TFB1M: variants seen among roughly 807,000 people sequenced by gnomAD.
TFB1M encodes transcription factor B1, mitochondrial, also known as dimethyladenosine transferase 1, mitochondrial.
TFB1M carries 27 observed loss-of-function variants against 31.1 expected under a neutral mutation model. The observed-to-expected ratio is 0.87, with a 90% CI of 0.64 to 1.20. The LOEUF is 1.20. TFB1M is among the 50% of genes most tolerant of loss of function. The pLI is 0.00. For missense variants in TFB1M, 394 were observed against 418.7 expected, an observed-to-expected ratio of 0.94 and a Z score of 0.51; for synonymous variants, 166 against 151.8, an observed-to-expected ratio of 1.09 and a Z score of -0.69.
chr6:155,241,405 C>T, the TFB1M span, among the ~76,000 whole-genome samples: 7,258 of 152,206 alleles, frequency 0.048, 185 homozygotes, highest in East Asian at 0.12. Flanking sequence ...CGGCACGGTG[C>T]GGTGGGCTGA....
chr6:155,306,342 C>A (rs1777763230), intron 2 of TFB1M, among the ~76,000 whole-genome samples: 3 of 152,122 alleles, frequency 2.0e-5, no homozygotes, highest in African/African-American at 4.8e-5. Context: ...GGATATTCTA[C>A]ACAGGACCCG....
At position 155,256,190 on chromosome 6, in the gene TFB1M, G is replaced by A; in HGVS notation, c.*1646C>T. Reference sequence around the variant, plus strand: ...AATTAACTTTTCAACTTACTCCTTGGCAAAATAAGAATCTTAGCCCATGTA... The same window carrying A: ...AATTAACTTTTCAACTTACTCCTTGACAAAATAAGAATCTTAGCCCATGTA... On this transcript the variant is annotated 3_prime_UTR_variant, in exon 7 of 7. Coordinates refer to ENST00000367166, the MANE Select transcript of TFB1M (RefSeq NM_016020.4). 1.8e-6 allele frequency: 1 copy of A among 543,374 alleles called. No individual in the cohort carries two copies. The highest frequency in any genetic ancestry group is 1.9e-5 in the African/African-American group (1 of 51,372). The allele number at this position is 543,374 out of a possible 1,614,324, so 33.7% of individuals were successfully genotyped here. A position where few individuals can be genotyped will look rare whatever the true frequency, so the allele number is the denominator to read the frequency against.
chr6:155,275,805 A>C (rs1309762212), intron 5 of TFB1M: 1 of 1,614,144 alleles, frequency 6.2e-7, no homozygotes, highest in Non-Finnish European at 8.5e-7. Context: ...CTGCTGCCCA[A>C]CTGGAAGGTG....
At chr6:155,310,976 G>T in intron 2 of TFB1M, 1 of 586,136 alleles carries the variant, frequency 1.7e-6, no homozygotes, top group Non-Finnish European at 3.0e-6. Context: ...TTTTCAAGGT[G>T]TAGTCAATAG....
chr6:155,244,880 G>A, the TFB1M span: 17 of 1,389,868 alleles, frequency 1.2e-5, no homozygotes, highest in South Asian at 1.9e-4. Context: ...TTCTTGTCCT[G>A]TGACTATTGA....
downstream of TFB1M, among the ~76,000 whole-genome samples, chr6:155,251,732 A>G (rs765544407): frequency 1.3e-5 from 2 of 152,244 alleles, no homozygotes; most frequent in Non-Finnish European, 2.9e-5. Flanking sequence ...GCCAAGATCA[A>G]CTTCTAATAG....
At position 155,314,294 on chromosome 6, in the gene TFB1M, A is replaced by C; in HGVS notation, c.133+2T>G. ...TCCGGGGAGCACTGCTAAGCCATCC[A>C]CCTGTCAGCCTCAAGTCCAGGAGGA... On this transcript the variant is annotated splice_donor_variant, in intron 1 of 6. Coordinates refer to ENST00000367166, the MANE Select transcript of TFB1M (RefSeq NM_016020.4). LOFTEE classifies it high-confidence loss of function. 6.2e-7 allele frequency: 1 copy of C among 1,613,778 alleles called. No homozygotes were observed. Among genetic ancestry groups the C allele is most frequent in the Non-Finnish European group, 8.5e-7 (1 of 1,179,838 alleles).
chr6:155,285,382 G>C, intron 4 of TFB1M, 105 bp from the exon 5 acceptor site: 1 of 1,414,384 alleles, frequency 7.1e-7, no homozygotes, highest in Non-Finnish European at 9.8e-7. Flanking sequence ...GACTTTTTGA[G>C]GCAAATTTGA....
At chr6:155,248,326 T>TTTCACATA in the TFB1M span, 1 of 947,706 alleles carries the variant, frequency 1.1e-6, no homozygotes, top group Non-Finnish European at 1.5e-6. Context: ...TAATCTTAGG[T>TTTCACATA]TTCACGTGAA....
Position 155,311,249 on chromosome 6 carries a change from T to G in TFB1M, c.224A>C (p.Asn75Thr). The change falls in exon 2 of 7, where the codon AAT (asparagine) becomes ACT (threonine). Residue 75 changes from asparagine (N) to threonine (T), a missense_variant. Physicochemically the swap from Asn to Thr is moderately conservative, Grantham distance 65 (BLOSUM62 0). Around this residue, in one of 3 missense-constraint regions of TFB1M, gnomAD observed 273 missense variants for 256.4 expected, o/e 1.06. Coordinates refer to ENST00000367166, the MANE Select transcript of TFB1M (RefSeq NM_016020.4). ...GPGGITRSIL[N>T]ADVAELLVVE... ...CACCAGAAGTTCAGCGACGTCGGCA[T>G]TAAGAATAGATCTTGTGATTCCCCC... is the stretch of plus-strand genomic sequence containing the variant. 6.2e-7 allele frequency: 1 copy of G among 1,614,150 alleles called. No individual in the cohort carries two copies. Among genetic ancestry groups the G allele is most frequent in the Non-Finnish European group, 8.5e-7 (1 of 1,179,976 alleles).
At chr6:155,299,064 G>C (rs2114783050) in intron 2 of TFB1M, among the ~76,000 whole-genome samples, 1 of 152,042 alleles carries the variant, frequency 6.6e-6, no homozygotes, top group Middle Eastern at 3.4e-3. Flanking sequence ...TATATGCGTA[G>C]ATTTAGCCAA....
At chr6:155,304,909 A>G (rs1039342503) in intron 2 of TFB1M, among the ~76,000 whole-genome samples, 3 of 151,082 alleles carry the variant, frequency 2.0e-5, no homozygotes, top group African/African-American at 7.3e-5. Flanking sequence ...TCAGAAATAA[A>G]CCGACACACA....
intron 2 of TFB1M, 137 bp downstream of exon 2, chr6:155,311,051 C>A (rs897228304): frequency 2.2e-6 from 2 of 928,898 alleles, no homozygotes; most frequent in South Asian, 1.4e-5. Context: ...GAATCAAAAT[C>A]TCTGGAATGG....
intron 3 of TFB1M, 79 bp from the exon 4 acceptor site, chr6:155,297,183 G>T: frequency 6.8e-7 from 1 of 1,464,260 alleles, no homozygotes. Context: ...AGTAAAATCA[G>T]ACTGGATATT....
intron 2 of TFB1M, among the ~76,000 whole-genome samples, chr6:155,310,600 C>A (rs1274594050): frequency 2.6e-5 from 4 of 152,152 alleles, no homozygotes; most frequent in African/African-American, 9.7e-5. Context: ...ATTTCTTATA[C>A]AATAACAGTG....
chr6:155,283,278 A>C (rs1776469411), intron 5 of TFB1M, among the ~76,000 whole-genome samples: 1 of 152,196 alleles, frequency 6.6e-6, no homozygotes, highest in South Asian at 2.1e-4. Context: ...GAAAAACTAC[A>C]AAAAATAGCC....
chr6:155,243,974 T>C, the TFB1M span: 3 of 1,561,456 alleles, frequency 1.9e-6, no homozygotes, highest in East Asian at 2.4e-5. Context: ...TTTTGGAGAC[T>C]AAAGCGTTGA....
rs1215427781 is a variant in TFB1M at position 155,305,196 on chromosome 6, T to TTA, written c.285+5990_285+5991dup. 1.1e-3 allele frequency among the ~76,000 whole-genome samples: 74 copies of TTA among 68,914 alleles called. 11 individuals carry two copies. The highest frequency in any genetic ancestry group is 5.0e-3 in the African/African-American group (66 of 13,256). The allele number at this position is 68,914 out of a possible 152,430, so 45.2% of individuals were successfully genotyped here. A position where few individuals can be genotyped will look rare whatever the true frequency, so the allele number is the denominator to read the frequency against. ...TTTATATATATATTAAATTATATAT[T>TTA]TATATATATATTAAATTATATATTT... On this transcript the variant is annotated intron_variant, in intron 2 of 6. Transcript: ENST00000367166.
At chr6:155,312,608 A>C (rs530902338) in intron 1 of TFB1M, among the ~76,000 whole-genome samples, 16 of 152,182 alleles carry the variant, frequency 1.1e-4, no homozygotes, top group Non-Finnish European at 2.2e-4. Flanking sequence ...AATGAATATT[A>C]AAGAAGCGCT....
Sources: allele counts gnomAD v4.1 joint callset (sites outside exome capture counted in the v4.1 genomes callset), GRCh38; gene constraint gnomAD v4.1.1; regional missense constraint gnomAD v4.1.1; transcripts MANE v1.5; gene names NCBI Gene and HGNC (gene_info 2026-07-23, HGNC 2026-07-21).